The following ZFHX3 variants were observed in gnomAD, a reference collection of about 807,000 sequenced individuals.
The protein encoded by ZFHX3 is zinc finger homeobox protein 3.
In ZFHX3, 42 loss-of-function variants were observed where a neutral mutation model predicts 279.1. That is an observed-to-expected ratio of 0.15 (90% CI 0.12 to 0.19). ZFHX3 has a LOEUF of 0.19. Ranked by LOEUF, ZFHX3 falls within the 10% of genes least tolerant of loss-of-function variation. The pLI, the probability that ZFHX3 is intolerant of heterozygous loss-of-function variation, is 1.00. For missense variants in ZFHX3, 4,981 were observed against 4,754.0 expected (o/e 1.05, Z -1.40); for synonymous variants, 2,293 against 1,957.8 (o/e 1.17, Z -4.52).
chr16:72,910,596 C>T (rs757951695), intron 3 of ZFHX3, among the ~76,000 whole-genome samples: 16 of 152,112 alleles, frequency 1.1e-4, no homozygotes, highest in African/African-American at 2.2e-4. Flanking sequence ...TGGATGGCAG[C>T]GTGGCAGATG....
intron 1 of ZFHX3, among the ~76,000 whole-genome samples, chr16:72,965,854 TC>T (rs1961810624): frequency 6.6e-6 from 1 of 152,176 alleles, no homozygotes; most frequent in Non-Finnish European, 1.5e-5. Context: ...GGTGGGATGA[TC>T]CTGAGGAATT....
chr16:73,125,716 T>A (rs1362040965), intron 7 of ZFHX3, among the ~76,000 whole-genome samples: 1 of 152,106 alleles, frequency 6.6e-6, no homozygotes, highest in African/African-American at 2.4e-5. Context: ...TCCTTGCTCC[T>A]CAGCCTGTAG....
intron 2 of ZFHX3, among the ~76,000 whole-genome samples, chr16:73,665,198 T>A (rs965805681): frequency 7.6e-5 from 11 of 144,266 alleles, no homozygotes; most frequent in Admixed American, 7.5e-4. Context: ...ATGATCTTTC[T>A]GATCATCATT....
At chr16:72,838,600 T>C (rs964568518) in intron 4 of ZFHX3, among the ~76,000 whole-genome samples, 4 of 152,018 alleles carry the variant, frequency 2.6e-5, no homozygotes, top group Non-Finnish European at 4.4e-5. Context: ...AATGCTGCCG[T>C]TGTGTGGTGA....
intron 2 of ZFHX3, among the ~76,000 whole-genome samples, chr16:73,566,688 CTTT>C (rs35009584): frequency 0.094 from 11,257 of 119,816 alleles, 751 homozygotes; most frequent in African/African-American, 0.22. Context: ...ACCAAGCTAA[CTTT>C]TTTTTTTTTT....
At chr16:73,010,024 GAAAAA>G (rs10709712) in intron 1 of ZFHX3, among the ~76,000 whole-genome samples, 25 of 84,652 alleles carry the variant, frequency 3.0e-4, no homozygotes, top group Middle Eastern at 0.016. Context: ...CCCTCTCAAA[GAAAAA>G]AAAAAAAAAA....
chr16:73,776,615 G>T (rs1959252824), intron 1 of ZFHX3, among the ~76,000 whole-genome samples: 1 of 152,190 alleles, frequency 6.6e-6, no homozygotes, highest in African/African-American at 2.4e-5. Context: ...TAATATTGCT[G>T]AAGTGCTCGA....
chr16:73,019,352 G>A (rs955822872), intron 1 of ZFHX3, among the ~76,000 whole-genome samples: 80 of 151,978 alleles, frequency 5.3e-4, no homozygotes, highest in Non-Finnish European at 9.1e-4. Flanking sequence ...GCGTGTGTGT[G>A]TGTGTGTGTG....
chr16:73,755,468 A>G (rs1181490556), intron 1 of ZFHX3, among the ~76,000 whole-genome samples: 1 of 152,244 alleles, frequency 6.6e-6, no homozygotes, highest in Non-Finnish European at 1.5e-5. Context: ...GACAGTGCAT[A>G]GTGTGTGAGT....
At chr16:72,892,240 A>G (rs1005524264) in intron 3 of ZFHX3, among the ~76,000 whole-genome samples, 9 of 152,236 alleles carry the variant, frequency 5.9e-5, no homozygotes, top group Non-Finnish European at 1.2e-4. Context: ...TAAACTGGCT[A>G]AAGTATCCCA....
chr16:73,319,046 A>C lies in ZFHX3; in HGVS notation c.-1290-710T>G, dbSNP rs192979172. On this transcript the variant is annotated intron_variant, in intron 3 of 17. Coordinates refer to the ZFHX3 transcript ENST00000641206. Reference sequence around the variant, plus strand: ...CTGGCCCACTGGTGCATTTCTCAGGACCAGCTCAGCAGTAAATACCATGGA... The same window carrying C: ...CTGGCCCACTGGTGCATTTCTCAGGCCCAGCTCAGCAGTAAATACCATGGA... Among the ~76,000 whole-genome samples the C allele has an allele frequency of 6.0e-3, 880 of 147,276 alleles. 10 individuals carry two copies. The highest frequency in any genetic ancestry group is 0.02 in the African/African-American group (798 of 40,230).
At chr16:73,316,663 T>C (rs779255526) in intron 4 of ZFHX3, among the ~76,000 whole-genome samples, 22 of 152,188 alleles carry the variant, frequency 1.4e-4, no homozygotes, top group Non-Finnish European at 2.6e-4. Flanking sequence ...CTAGATCTAG[T>C]ACTTTGGTGA....
At chr16:72,830,293 C>G (rs1321386612) in intron 4 of ZFHX3, among the ~76,000 whole-genome samples, 1 of 152,240 alleles carries the variant, frequency 6.6e-6, no homozygotes, top group Non-Finnish European at 1.5e-5. Context: ...TGGTACTGGC[C>G]TAGACCAGCC....
intron 2 of ZFHX3, among the ~76,000 whole-genome samples, chr16:73,512,272 C>CAAAA (rs3087038): frequency 1.1e-5 from 1 of 87,868 alleles, no homozygotes; most frequent in African/African-American, 4.6e-5. Context: ...CACTAAAATA[C>CAAAA]AAAAAAAAAA....
At chr16:73,136,631 G>A (rs947831127) in intron 6 of ZFHX3, among the ~76,000 whole-genome samples, 6 of 150,404 alleles carry the variant, frequency 4.0e-5, no homozygotes, top group Non-Finnish European at 8.9e-5. Context: ...AGGCTGAGGT[G>A]GGAGGATCAC....
At chr16:73,818,013 A>G (rs1960626979) in intron 1 of ZFHX3, among the ~76,000 whole-genome samples, 3 of 152,140 alleles carry the variant, frequency 2.0e-5, no homozygotes, top group South Asian at 4.1e-4. Context: ...TGACTTATAA[A>G]TTACTTCATC....
chr16:73,844,423 G>T (rs1178822676), intron 1 of ZFHX3, among the ~76,000 whole-genome samples: 1 of 152,114 alleles, frequency 6.6e-6, no homozygotes, highest in Non-Finnish European at 1.5e-5. Flanking sequence ...GAGACAAGGA[G>T]ATCATGAAAA....
intron 4 of ZFHX3, among the ~76,000 whole-genome samples, chr16:72,863,515 GAGAGAC>G (rs369351881): frequency 1.7e-4 from 25 of 148,458 alleles, no homozygotes; most frequent in South Asian, 6.3e-4. Flanking sequence ...CAGAGAGAGA[GAGAGAC>G]AGAGACAGAG....
chr16:73,397,343 C>T (rs1014022546), intron 3 of ZFHX3, among the ~76,000 whole-genome samples: 2 of 152,078 alleles, frequency 1.3e-5, no homozygotes, highest in Non-Finnish European at 2.9e-5. Flanking sequence ...AGTGGCATGA[C>T]TGGAAGGCAG....
Sources: gnomAD v4.1 joint callset for allele counts (sites outside exome capture counted in the v4.1 genomes callset) on GRCh38, gnomAD v4.1.1 for gene constraint, MANE v1.5 for transcripts, NCBI Gene and HGNC (gene_info 2026-07-23, HGNC 2026-07-21) for gene names.